The following NOXRED1 variants were observed in gnomAD, a reference collection of about 807,000 sequenced individuals.
The protein encoded by NOXRED1 is NADP dependent oxidoreductase domain containing 1, also known as NADP-dependent oxidoreductase domain-containing protein 1.
In NOXRED1, 20 loss-of-function variants were observed where a neutral mutation model predicts 30.4. The ratio of observed to expected loss-of-function variants is 0.66; its 90% CI spans 0.46 to 0.96. The LOEUF (loss-of-function observed/expected upper bound fraction) is 0.96, where lower values mean the gene tolerates loss of function less well. NOXRED1 is among the 40% of genes least tolerant of loss of function. The pLI is 0.00. For synonymous variants in NOXRED1, 155 were observed against 168.0 expected (o/e 0.92, Z 0.60); for missense variants, 374 against 428.0 (o/e 0.87, Z 1.11).
At chr14:77,406,263 G>A in intron 4 of NOXRED1, 128 bp from the exon 5 acceptor site, 1 of 648,362 alleles carries the variant, frequency 1.5e-6, no homozygotes, top group Non-Finnish European at 2.7e-6. Flanking sequence ...TGAACCACAA[G>A]ATAAGCAAAC....
Position 77,407,491 on chromosome 14 carries a change from G to C in NOXRED1, c.504C>G (p.Ser168Arg), listed in dbSNP as rs138925706. 5.0e-6 allele frequency: 8 copies of C among 1,613,894 alleles called. No homozygotes were observed. The highest frequency in any genetic ancestry group is 6.8e-6 in the Non-Finnish European group (8 of 1,179,898). ...TGGGTAGTGGGATGGCAGCTACAAA[G>C]CTGTACACAATGCTGGCCTTCTCAA... ...TSLEKASIVY[S>R]FVAAIPLPRL... The change falls in exon 3 of 6, where the codon AGC becomes AGG. Residue 168 changes from serine (S) to arginine (R), a missense_variant. By Grantham distance (110) the Ser-to-Arg change is moderately radical. Transcript: ENST00000380835.
At chr14:77,414,175 G>C in intron 1 of NOXRED1, 48 bp from the exon 2 acceptor site, 1 of 1,016,560 alleles carries the variant, frequency 9.8e-7, no homozygotes, top group Non-Finnish European at 1.4e-6. Context: ...GCACACACTA[G>C]TTTTTCTTTT....
At chr14:77,400,446 G>T (rs892649446) in intron 5 of NOXRED1, among the ~76,000 whole-genome samples, 2 of 152,182 alleles carry the variant, frequency 1.3e-5, no homozygotes, top group African/African-American at 4.8e-5. Context: ...AGGTTCTGAT[G>T]ACATGTGCCC....
At chr14:77,409,599 T>C (rs1313278685) in intron 2 of NOXRED1, among the ~76,000 whole-genome samples, 1 of 152,192 alleles carries the variant, frequency 6.6e-6, no homozygotes, top group Non-Finnish European at 1.5e-5. Flanking sequence ...GGCCTATCTA[T>C]CATTCTCTCC....
Position 77,422,981 on chromosome 14 carries a change from G to A in NOXRED1, c.-92C>T. 2.9e-6 allele frequency: 3 copies of A among 1,036,296 alleles called. No individual in the cohort carries two copies. Among genetic ancestry groups the A allele is most frequent in the Non-Finnish European group, 4.3e-6 (3 of 695,002 alleles). The allele number at this position is 1,036,296 out of a possible 1,614,324, so 64.2% of individuals were successfully genotyped here. ...GGGTCTATGTAGGAGGTGTGTGTATGATGGTGTGTGTGCCCAGGTCACAAG... is the reference window on the plus strand; with the variant it reads ...GGGTCTATGTAGGAGGTGTGTGTATAATGGTGTGTGTGCCCAGGTCACAAG... On this transcript the variant is annotated 5_prime_UTR_variant, in exon 1 of 6. Transcript: ENST00000380835.
At chr14:77,421,400 G>T (rs1282668975) in intron 1 of NOXRED1, among the ~76,000 whole-genome samples, 1 of 152,204 alleles carries the variant, frequency 6.6e-6, no homozygotes, top group Non-Finnish European at 1.5e-5. Flanking sequence ...TGAGACAGAT[G>T]TCAATTTTTA....
At position 77,414,055 on chromosome 14, in the gene NOXRED1, C is replaced by T; in HGVS notation, c.228G>A (p.Glu76=). 1.9e-6 allele frequency: 3 copies of T among 1,612,046 alleles called. No individual in the cohort carries two copies. Among genetic ancestry groups the T allele is most frequent in the South Asian group, 1.1e-5 (1 of 90,734 alleles). The stretch of plus-strand genomic sequence containing the variant: ...CACCTCCAATGATGCCCACCTTAAA[C>T]TCTTCAGGAGTGGCTGAATTAAGGG... ...IGSLNSATPE[E]FKVGIIGGGH... The change falls in exon 2 of 6, where the codon GAG becomes GAA. Residue 76 remains glutamate, a synonymous_variant. Coordinates refer to ENST00000380835, the MANE Select transcript of NOXRED1 (RefSeq NM_001113475.3).
chr14:77,415,209 CA>C (rs1440360751), intron 1 of NOXRED1, among the ~76,000 whole-genome samples: 8 of 113,234 alleles, frequency 7.1e-5, no homozygotes, highest in Admixed American at 9.4e-5. Context: ...CACACACACA[CA>C]CACACACACC....
chr14:77,403,260 AT>A (rs1894373522), intron 5 of NOXRED1, among the ~76,000 whole-genome samples: 1 of 152,206 alleles, frequency 6.6e-6, no homozygotes, highest in South Asian at 2.1e-4. Flanking sequence ...TTTTGTTTTT[AT>A]TATGGAAATT....
intron 2 of NOXRED1, among the ~76,000 whole-genome samples, chr14:77,410,820 A>G (rs1894629464): frequency 6.6e-6 from 1 of 152,190 alleles, no homozygotes; most frequent in African/African-American, 2.4e-5. Flanking sequence ...TGATGTTAAA[A>G]ATGATCCCAG....
chr14:77,394,914 A>G, intron 5 of NOXRED1, 109 bp from the exon 6 acceptor site: 3 of 689,234 alleles, frequency 4.4e-6, no homozygotes, highest in East Asian at 2.6e-5. Flanking sequence ...TTCATAAACT[A>G]GAAACATTAA....
At chr14:77,406,959 A>T (rs1894485971) in intron 3 of NOXRED1, 84 bp from the exon 4 acceptor site, 1 of 1,197,264 alleles carries the variant, frequency 8.4e-7, no homozygotes, top group Non-Finnish European at 1.2e-6. Context: ...ATCCAACCCC[A>T]TCAACAGACT....
At chr14:77,410,963 C>CA (rs1894633056) in intron 2 of NOXRED1, among the ~76,000 whole-genome samples, 1 of 152,150 alleles carries the variant, frequency 6.6e-6, no homozygotes, top group South Asian at 2.1e-4. Flanking sequence ...ATACCTACCA[C>CA]ATGACCCAGC....
intron 2 of NOXRED1, among the ~76,000 whole-genome samples, chr14:77,407,885 T>TG: frequency 1.5e-5 from 2 of 132,004 alleles, no homozygotes; most frequent in South Asian, 4.6e-4. Flanking sequence ...TTTTTTTTTT[T>TG]GAGACGGAGT....
intron 2 of NOXRED1, 57 bp downstream of exon 2, chr14:77,413,877 T>C: frequency 1.6e-6 from 2 of 1,271,682 alleles, no homozygotes; most frequent in Non-Finnish European, 2.1e-6. Flanking sequence ...CAAAATGGCT[T>C]TGTTGACACC....
In NOXRED1 at chr14:77,422,810, T is replaced by C; in HGVS notation, c.80A>G (p.Gln27Arg). The change falls in exon 1 of 6, where the codon CAG (glutamine) becomes CGG (arginine). Residue 27 changes from glutamine (Q) to arginine (R), a missense_variant. Physicochemically the swap from Gln to Arg is conservative, Grantham distance 43. Transcript: ENST00000380835. ...GATCATCAGTCCCCGAGAACGGCCCTGCAAATACAGCCAGATACGATCTTC... is the reference window on the plus strand; with the variant it reads ...GATCATCAGTCCCCGAGAACGGCCCCGCAAATACAGCCAGATACGATCTTC... ...PEEDRIWLYL[Q>R]GRSRGLMIEA... 6.2e-7 allele frequency: 1 copy of C among 1,613,738 alleles called. No individual in the cohort carries two copies. The highest frequency in any genetic ancestry group is 8.5e-7 in the Non-Finnish European group (1 of 1,179,812).
At chr14:77,412,914 A>G (rs1005093250) in intron 2 of NOXRED1, among the ~76,000 whole-genome samples, 1 of 148,966 alleles carries the variant, frequency 6.7e-6, no homozygotes, top group African/African-American at 2.5e-5. Flanking sequence ...ATAATTAGAG[A>G]AAAAAAAAAC....
chr14:77,394,966 G>C (rs1389284919), intron 5 of NOXRED1, among the ~76,000 whole-genome samples, 161 bp from the exon 6 acceptor site: 5 of 152,156 alleles, frequency 3.3e-5, no homozygotes, highest in African/African-American at 4.8e-5. Flanking sequence ...ACTAGTCAAT[G>C]TGTAGATTTA....
At chr14:77,421,725 A>G (rs1222153979) in intron 1 of NOXRED1, among the ~76,000 whole-genome samples, 1 of 152,228 alleles carries the variant, frequency 6.6e-6, no homozygotes, top group African/African-American at 2.4e-5. Flanking sequence ...ACTTCTGAAT[A>G]CATAAGGTAT....
Sources: gnomAD v4.1 joint callset for allele counts (sites outside exome capture counted in the v4.1 genomes callset) on GRCh38, gnomAD v4.1.1 for gene constraint, MANE v1.5 for transcripts, NCBI Gene and HGNC (gene_info 2026-07-23, HGNC 2026-07-21) for gene names.